The following CLCN6 variants were observed in gnomAD, a reference collection of about 807,000 sequenced individuals.
CLCN6 encodes the protein H(+)/Cl(-) exchange transporter 6.
CLCN6 carries 70 observed loss-of-function variants against 109.8 expected under a neutral mutation model. The ratio of observed to expected loss-of-function variants is 0.64; its 90% CI spans 0.53 to 0.78. The LOEUF is 0.78. Among genes scored for constraint, CLCN6 ranks in the 30% least tolerant of loss-of-function variants. CLCN6 has a pLI of 0.00. For synonymous variants in CLCN6, 444 were observed against 447.8 expected (o/e 0.99, Z 0.11); for missense variants, 984 against 1,142.3 (o/e 0.86, Z 2.00).
Position 11,824,552 on chromosome 1 carries a change from A to G in CLCN6, c.647A>G (p.Gln216Arg). 1.2e-6 allele frequency: 2 copies of G among 1,613,216 alleles called. No homozygotes were observed. The highest frequency in any genetic ancestry group is 1.7e-6 in the Non-Finnish European group (2 of 1,179,438). ...TCGGTGGTGGGAGCTGGCCTCCCTC[A>G]GGTAAGATGGGCTGAGAGGGTGTGG... Reference protein sequence around the residue: ...SGSVVGAGLPQFQSISLRKIQ... With the variant: ...SGSVVGAGLPRFQSISLRKIQ... Residue 216 changes from glutamine (Q) to arginine (R), a missense_variant and splice_region_variant, in exon 8 of 23, where the codon CAG (glutamine) becomes CGG (arginine). Physicochemically the swap from Gln to Arg is conservative, Grantham distance 43 (BLOSUM62 1). Coordinates refer to ENST00000346436, the MANE Select transcript of CLCN6 (RefSeq NM_001286.5).
chr1:11,812,478 G>A (rs1386789542), intron 2 of CLCN6, among the ~76,000 whole-genome samples: 2 of 152,188 alleles, frequency 1.3e-5, no homozygotes. Context: ...AGCCCTTGGT[G>A]ATCAGCTTAA....
chr1:11,811,718 T>C (rs72640247), intron 2 of CLCN6, among the ~76,000 whole-genome samples: 15,065 of 152,216 alleles, frequency 0.099, 806 homozygotes, highest in South Asian at 0.16. Context: ...TTTCATCACC[T>C]GAGAGGAAAC....
chr1:11,841,958 G>A lies in CLCN6; in HGVS notation c.*1735G>A, dbSNP rs540640156. On this transcript the variant is annotated 3_prime_UTR_variant, in exon 23 of 23. Transcript: ENST00000346436. Reference sequence around the variant, plus strand: ...CAGGAAATAGCGCAGGACATCACAAGGACCAAAAAGGCAATTCTTATTTAA... The same window carrying A: ...CAGGAAATAGCGCAGGACATCACAAAGACCAAAAAGGCAATTCTTATTTAA... 2 of 152,342 alleles carry A rather than the reference G, an allele frequency of 1.3e-5. No homozygotes were observed. The highest frequency in any genetic ancestry group is 4.1e-4 in the South Asian group (2 of 4,830). The allele number at this position is 152,342 out of a possible 1,614,324, so 9.4% of individuals were successfully genotyped here.
In CLCN6 at chr1:11,834,324, A is replaced by G. The variant is rs749571420; in HGVS notation, c.1615A>G (p.Ser539Gly). The G allele has an allele frequency of 1.2e-5, 20 of 1,613,950 alleles. No homozygotes were observed. Among genetic ancestry groups the G allele is most frequent in the South Asian group, 3.3e-5 (3 of 91,076 alleles). The change falls in exon 16 of 23, where the codon AGC becomes GGC. Residue 539 changes from serine (S) to glycine (G), a missense_variant. Coordinates refer to ENST00000346436, the MANE Select transcript of CLCN6 (RefSeq NM_001286.5). The surrounding 1 kb of genome is among the most constrained non-coding windows in gnomAD (Gnocchi z 4.5). ...FLGGVVRMTI[S>G]LTVILIESTN... ...GGGCGGGGTGGTCCGCATGACCATCAGCCTCACGGTCATCCTGATCGAGTC... is the reference window on the plus strand; with the variant it reads ...GGGCGGGGTGGTCCGCATGACCATCGGCCTCACGGTCATCCTGATCGAGTC...
In CLCN6 at chr1:11,841,166, A is replaced by G. The variant is rs1645018045; in HGVS notation, c.*943A>G. 6.6e-6 allele frequency: 1 copy of G among 152,606 alleles called. No homozygotes were observed. The highest frequency in any genetic ancestry group is 2.1e-4 in the South Asian group (1 of 4,830). 9.5% of individuals were successfully genotyped at this position (152,606 alleles called of 1,614,324 possible). The stretch of plus-strand genomic sequence containing the variant: ...TGGGGAATGCTACCATTTTTTTTCC[A>G]AAGTAGAAAGGAAGCACTTCTGAGC... On this transcript the variant is annotated 3_prime_UTR_variant, in exon 23 of 23. Coordinates refer to ENST00000346436, the MANE Select transcript of CLCN6 (RefSeq NM_001286.5).
chr1:11,816,589 G>T, intron 3 of CLCN6, 26 bp from the exon 4 acceptor site: 1 of 1,605,426 alleles, frequency 6.2e-7, no homozygotes, highest in South Asian at 1.1e-5. Flanking sequence ...CCTGTAAACT[G>T]AATCATTCTT....
chr1:11,808,215 GTGTGTGTGTGTT>G (rs1230934010), intron 2 of CLCN6, among the ~76,000 whole-genome samples: 29 of 137,130 alleles, frequency 2.1e-4, no homozygotes, highest in African/African-American at 7.7e-4. Flanking sequence ...TTTATTGTAT[GTGTGTGTGTGTT>G]TGTGTGTGTG....
chr1:11,826,093 G>C, intron 8 of CLCN6, 63 bp from the exon 9 acceptor site: 1 of 1,161,538 alleles, frequency 8.6e-7, no homozygotes, highest in Non-Finnish European at 1.3e-6. Context: ...TAATTACTGG[G>C]GTACAGGTAG....
intron 13 of CLCN6, among the ~76,000 whole-genome samples, chr1:11,831,409 C>A (rs1355900182): frequency 1.3e-5 from 2 of 151,874 alleles, no homozygotes; most frequent in East Asian, 3.9e-4. Flanking sequence ...CCCACCTCGG[C>A]CTCCCAAAGT....
At chr1:11,829,129 A>G (rs1157119574) in intron 12 of CLCN6, 67 bp from the exon 13 acceptor site, 9 of 1,586,598 alleles carry the variant, frequency 5.7e-6, no homozygotes, top group Non-Finnish European at 7.7e-6. Context: ...AGGCAGGGTT[A>G]TGTTTTGAAT....
intron 5 of CLCN6, chr1:11,820,245 T>C: frequency 1.7e-6 from 1 of 604,424 alleles, no homozygotes; most frequent in South Asian, 2.0e-5. Context: ...GAGGCTGTAA[T>C]GCACCATGAC....
Position 11,834,540 on chromosome 1 carries a change from C to T in CLCN6, c.1743C>T (p.Gly581=). ...AGGGCATTTATGATATCCACGTGGG[C>T]CTGCGAGGCGTGCCGCTTCTGGAAT... The part of the protein sequence containing the change: ...FNKGIYDIHV[G]LRGVPLLEWE... Residue 581 remains glycine (G), a synonymous_variant, in exon 17 of 23, where the codon GGC becomes GGT. Coordinates refer to ENST00000346436, the MANE Select transcript of CLCN6 (RefSeq NM_001286.5). This position sits in a 1 kb window ranked among gnomAD's most constrained non-coding sequence, Gnocchi z 4.5. 1 of 1,614,068 alleles carries T rather than the reference C, an allele frequency of 6.2e-7. No homozygotes were observed. The highest frequency in any genetic ancestry group is 8.5e-7 in the Non-Finnish European group (1 of 1,180,006).
chr1:11,837,564 G>A, intron 20 of CLCN6, 65 bp downstream of exon 20: 1 of 1,526,070 alleles, frequency 6.6e-7, no homozygotes, highest in Non-Finnish European at 9.0e-7. Flanking sequence ...GTTGGGCGCT[G>A]CCGGCGGGCC....
Position 11,824,523 on chromosome 1 carries a change from TGGTTC to T in CLCN6, c.622_626del (p.Ser208GlyfsTer19). The T allele has an allele frequency of 6.2e-7, 1 of 1,613,630 alleles. No individual in the cohort carries two copies. Among genetic ancestry groups the T allele is most frequent in the South Asian group, 1.1e-5 (1 of 91,008 alleles). On this transcript the variant is annotated frameshift_variant, in exon 8 of 23. Transcript: ENST00000346436. LOFTEE classifies it high-confidence loss of function. ...AGAAGGAAGGCCCCATGATCCACAG[TGGTTC>T]GGTGGTGGGAGCTGGCCTCCCTCAG...
At chr1:11,816,094 A>G in intron 3 of CLCN6, 183 bp downstream of exon 3, 1 of 574,552 alleles carries the variant, frequency 1.7e-6, no homozygotes, top group Non-Finnish European at 3.1e-6. Context: ...CAGGTTTTAC[A>G]AACTGGAGGT....
chr1:11,831,026 T>A (rs1644877900), intron 13 of CLCN6, among the ~76,000 whole-genome samples: 1 of 150,796 alleles, frequency 6.6e-6, no homozygotes, highest in Admixed American at 6.6e-5. Context: ...AGAGATGGTG[T>A]TTCACCATGT....
intron 5 of CLCN6, among the ~76,000 whole-genome samples, chr1:11,821,600 A>C (rs1023408596): frequency 2.0e-5 from 3 of 152,202 alleles, no homozygotes; most frequent in African/African-American, 7.2e-5. Context: ...AATCAGAAAA[A>C]CAACAGATGG....
rs1488832203 is a variant in CLCN6 at position 11,834,411 on chromosome 1, C to T, written c.1686+16C>T. Reference sequence around the variant, plus strand: ...CACACTGATGGTGAGCACACTCCCTCCAGGCCCCTGTCAGGCTCAGGGCCA... The same window carrying T: ...CACACTGATGGTGAGCACACTCCCTTCAGGCCCCTGTCAGGCTCAGGGCCA... On this transcript the variant is annotated intron_variant, in intron 16 of 22. Transcript: ENST00000346436. This position sits in a 1 kb window ranked among gnomAD's most constrained non-coding sequence, Gnocchi z 4.5. 6 of 1,613,458 alleles carry T rather than the reference C, an allele frequency of 3.7e-6. No individual in the cohort carries two copies. Among genetic ancestry groups the T allele is most frequent in the Non-Finnish European group, 4.2e-6 (5 of 1,179,466 alleles).
rs59015951 is a variant in CLCN6, at chr1:11,827,430, C to CTTTTTTTTTTTTTTTTTTTTTTTT, written c.840+232_840+233insTTTTTTTTTTTTTTTTTTTTTTTT. 4.6e-4 allele frequency among the ~76,000 whole-genome samples: 48 copies of CTTTTTTTTTTTTTTTTTTTTTTTT among 105,024 alleles called. 2 individuals carry two copies. Among genetic ancestry groups the CTTTTTTTTTTTTTTTTTTTTTTTT allele is most frequent in the Non-Finnish European group, 7.7e-4 (41 of 53,442 alleles). 68.9% of individuals were successfully genotyped at this position (105,024 alleles called of 152,430 possible). On this transcript the variant is annotated intron_variant, in intron 10 of 22. Transcript: ENST00000346436. The stretch of plus-strand genomic sequence containing the variant: ...CTAACCCCAAATCAAACCGCTGTTA[C>CTTTTTTTTTTTTTTTTTTTTTTTT]TTTTTTTTTTTTTTTTTTTTTTTGA...
Sources: gnomAD v4.1 joint callset for allele counts (sites outside exome capture counted in the v4.1 genomes callset) on GRCh38, gnomAD v4.1.1 for gene constraint, Gnocchi (gnomAD v3.1) non-coding constraint, MANE v1.5 for transcripts, NCBI Gene and HGNC (gene_info 2026-07-23, HGNC 2026-07-21) for gene names.